Variants in ANKS1B observed in about 807,000 individuals in gnomAD.
ANKS1B encodes ankyrin repeat and sterile alpha motif domain-containing protein 1B.
A neutral mutation model predicts 148.3 loss-of-function variants in ANKS1B; 36 were observed. The ratio of observed to expected loss-of-function variants is 0.24; its 90% CI spans 0.19 to 0.32. The LOEUF is 0.32. Ranked by LOEUF, ANKS1B falls within the 10% of genes least tolerant of loss-of-function variation. The pLI, the probability that ANKS1B is intolerant of heterozygous loss-of-function variation, is 1.00. For missense variants in ANKS1B, 1,157 were observed against 1,542.6 expected (o/e 0.75, Z 4.19); for synonymous variants, 542 against 560.8 (o/e 0.97, Z 0.47).
chr12:99,015,707 A>G (rs1345508323), intron 17 of ANKS1B, among the ~76,000 whole-genome samples: 1 of 152,156 alleles, frequency 6.6e-6, no homozygotes, highest in Non-Finnish European at 1.5e-5. Flanking sequence ...TCTATTAAAA[A>G]TACAAAAAAT....
intron 8 of ANKS1B, among the ~76,000 whole-genome samples, chr12:99,718,180 G>A (rs1233702144): frequency 3.3e-5 from 5 of 152,068 alleles, no homozygotes; most frequent in Admixed American, 6.5e-5. Context: ...GATTACAGGC[G>A]TGAGCCACCG....
At chr12:99,291,650 A>G (rs1334972477) in intron 12 of ANKS1B, among the ~76,000 whole-genome samples, 1 of 152,068 alleles carries the variant, frequency 6.6e-6, no homozygotes, top group East Asian at 1.9e-4. Context: ...GGAAAGGACA[A>G]TCTCTTCAAT....
At chr12:99,659,597 T>C (rs188965562) in intron 8 of ANKS1B, among the ~76,000 whole-genome samples, 3 of 152,258 alleles carry the variant, frequency 2.0e-5, no homozygotes, top group East Asian at 3.9e-4. Context: ...TAGTCTAACA[T>C]TGAAGAAATG....
intron 14 of ANKS1B, among the ~76,000 whole-genome samples, chr12:99,188,643 C>T (rs953009811): frequency 6.6e-6 from 1 of 152,118 alleles, no homozygotes; most frequent in Non-Finnish European, 1.5e-5. Flanking sequence ...TTATTTGAAA[C>T]CATTGAGAAC....
intron 24 of ANKS1B, among the ~76,000 whole-genome samples, chr12:98,775,677 C>G (rs996149963): frequency 6.6e-6 from 1 of 151,668 alleles, no homozygotes; most frequent in South Asian, 2.1e-4. Context: ...GTCTCCAACT[C>G]TTGGGCTCAA....
intron 12 of ANKS1B, among the ~76,000 whole-genome samples, chr12:99,367,790 G>A (rs1357150070): frequency 2.7e-5 from 4 of 148,326 alleles, no homozygotes; most frequent in African/African-American, 7.7e-5. Context: ...GTGTGCTTGT[G>A]TGTGTGTGTG....
intron 11 of ANKS1B, among the ~76,000 whole-genome samples, chr12:99,429,764 C>G (rs1021014919): frequency 6.6e-6 from 1 of 151,916 alleles, no homozygotes; most frequent in Admixed American, 6.6e-5. Flanking sequence ...GAGATTGAGA[C>G]CATCCTGGCT....
At chr12:99,895,440 T>G (rs957808459) in intron 1 of ANKS1B, among the ~76,000 whole-genome samples, 2 of 150,816 alleles carry the variant, frequency 1.3e-5, no homozygotes, top group Non-Finnish European at 3.0e-5. Flanking sequence ...TGTGTGTGTG[T>G]GTCCTTTCGA....
chr12:99,984,466 C>A lies in ANKS1B; in HGVS notation c.-229G>T. The A allele has an allele frequency of 2.3e-6, 1 of 426,464 alleles. No individual in the cohort carries two copies. The highest frequency in any genetic ancestry group is 3.7e-5 in the Admixed American group (1 of 27,346). The allele number at this position is 426,464 out of a possible 1,614,324, so 26.4% of individuals were successfully genotyped here. A position where few individuals can be genotyped will look rare whatever the true frequency, so the allele number is the denominator to read the frequency against. On this transcript the variant is annotated 5_prime_UTR_variant, in exon 1 of 27. Transcript: ENST00000683438. The stretch of plus-strand genomic sequence containing the variant: ...ACCATGTCTTGAAAGAGGGGCTGGC[C>A]GAGCTGGGAGCCGCGACGCGCCCCC...
chr12:99,333,032 C>CAAG (rs2087902580), intron 12 of ANKS1B, among the ~76,000 whole-genome samples: 1 of 151,978 alleles, frequency 6.6e-6, no homozygotes, highest in South Asian at 2.1e-4. Context: ...AAGGCAATAA[C>CAAG]AAGATCACGT....
intron 1 of ANKS1B, among the ~76,000 whole-genome samples, chr12:99,843,565 T>C (rs11610478): frequency 0.082 from 12,432 of 152,196 alleles, 718 homozygotes; most frequent in Non-Finnish European, 0.12. Flanking sequence ...GATCCATCCA[T>C]GTCCCTGCAA....
chr12:99,537,563 T>C (rs2097083862), intron 9 of ANKS1B, among the ~76,000 whole-genome samples: 2 of 152,216 alleles, frequency 1.3e-5, no homozygotes, highest in African/African-American at 4.8e-5. Flanking sequence ...GTATGTCTTC[T>C]TGTGAGAAAT....
chr12:99,134,922 A>G (rs1371296619), intron 15 of ANKS1B, among the ~76,000 whole-genome samples: 1 of 152,168 alleles, frequency 6.6e-6, no homozygotes, highest in Non-Finnish European at 1.5e-5. Flanking sequence ...CTCTTCCTGA[A>G]ATATGAACAG....
At chr12:99,606,235 T>G (rs542542754) in intron 9 of ANKS1B, among the ~76,000 whole-genome samples, 5 of 152,174 alleles carry the variant, frequency 3.3e-5, no homozygotes, top group African/African-American at 1.2e-4. Context: ...TTCTCATTAT[T>G]AACCCCTTGT....
intron 9 of ANKS1B, among the ~76,000 whole-genome samples, chr12:99,644,717 C>T (rs906114838): frequency 2.2e-4 from 33 of 152,196 alleles, no homozygotes; most frequent in African/African-American, 7.5e-4. Flanking sequence ...AACTTAGTTG[C>T]TTATAACAAC....
chr12:99,050,690 C>CTTTTTTTT (rs62812561), intron 17 of ANKS1B, among the ~76,000 whole-genome samples: 45 of 113,536 alleles, frequency 4.0e-4, no homozygotes, highest in South Asian at 8.8e-4. Flanking sequence ...TTTTCTTTTT[C>CTTTTTTTT]TTTTTTTTTT....
intron 8 of ANKS1B, among the ~76,000 whole-genome samples, chr12:99,749,649 T>C (rs1390283186): frequency 6.6e-6 from 1 of 152,064 alleles, no homozygotes; most frequent in Admixed American, 6.6e-5. Flanking sequence ...ACCTCTTTGA[T>C]GGAAGTAAAC....
At chr12:98,907,602 C>T (rs1202275472) in intron 17 of ANKS1B, among the ~76,000 whole-genome samples, 1 of 152,200 alleles carries the variant, frequency 6.6e-6, no homozygotes, top group Non-Finnish European at 1.5e-5. Flanking sequence ...GGTCATCCAC[C>T]TCATGGCTTT....
intron 1 of ANKS1B, among the ~76,000 whole-genome samples, chr12:99,900,985 C>G (rs2093579812): frequency 6.6e-6 from 1 of 152,118 alleles, no homozygotes; most frequent in African/African-American, 2.4e-5. Context: ...GCTGTCCCCT[C>G]AACAAGTATA....
Sources: gnomAD v4.1 joint callset for allele counts (sites outside exome capture counted in the v4.1 genomes callset) on GRCh38, gnomAD v4.1.1 for gene constraint, MANE v1.5 for transcripts, NCBI Gene and HGNC (gene_info 2026-07-23, HGNC 2026-07-21) for gene names.